Variants in POLR2B observed in about 807,000 individuals in gnomAD.
POLR2B encodes the protein RNA polymerase II subunit B.
POLR2B carries 57 observed loss-of-function variants against 144.6 expected under a neutral mutation model. The observed-to-expected ratio is 0.39, with a 90% confidence interval of 0.32 to 0.49. The LOEUF is 0.49. Ranked by LOEUF, POLR2B falls within the 20% of genes least tolerant of loss-of-function variation. The pLI is 0.83. For synonymous variants in POLR2B, 442 were observed against 469.8 expected (o/e 0.94, Z 0.77); for missense variants, 595 against 1,467.4 (o/e 0.41, Z 9.71).
intron 1 of POLR2B, among the ~76,000 whole-genome samples, chr4:56,984,145 G>T (rs1172249307): frequency 6.6e-6 from 1 of 152,080 alleles, no homozygotes; most frequent in East Asian, 1.9e-4. Flanking sequence ...GATTATAGGT[G>T]TGAGCCAGTG....
intron 1 of POLR2B, among the ~76,000 whole-genome samples, chr4:56,983,568 C>T (rs1718887): frequency 0.89 from 135,610 of 151,980 alleles, 60,528 homozygotes; most frequent in East Asian, 0.97. Flanking sequence ...GACGGGGTTT[C>T]ACCATGCTGG....
rs1177846279 is a variant in POLR2B at position 56,990,569 on chromosome 4, T to C, written c.93-179T>C. Among the ~76,000 whole-genome samples the C allele has an allele frequency of 2.6e-5, 4 of 152,162 alleles. No homozygotes were observed. In the East Asian group the frequency reaches 7.7e-4, roughly 29 times the overall value. ...CAAATAATAAGTTCTACAAAGAAAA[T>C]ATGCCCGGTTTCATCCTTTTTAAGA... On this transcript the variant is annotated intron_variant, in intron 2 of 24. Coordinates refer to ENST00000314595, the MANE Select transcript of POLR2B (RefSeq NM_000938.3).
At chr4:56,988,940 A>G (rs1338612729) in intron 2 of POLR2B, among the ~76,000 whole-genome samples, 1 of 152,234 alleles carries the variant, frequency 6.6e-6, no homozygotes, top group Non-Finnish European at 1.5e-5. Flanking sequence ...GTGAACTGTC[A>G]TAGCATTTAT....
Position 56,991,468 on chromosome 4 carries a change from G to A in POLR2B, c.243+570G>A, listed in dbSNP as rs554175483. Among the ~76,000 whole-genome samples the A allele has an allele frequency of 3.2e-4, 49 of 152,270 alleles. No homozygotes were observed. The South Asian group carries it at 8.7e-3, about 27-fold the overall frequency. ...AAGGATGTAGTCCAAAATAATGACT[G>A]TCCCAGTTTTAGAGAAGTTGAGAGG... On this transcript the variant is annotated intron_variant, in intron 3 of 24. Transcript: ENST00000314595.
At chr4:56,997,353 G>T (rs1722721364) in intron 6 of POLR2B, among the ~76,000 whole-genome samples, 1 of 151,840 alleles carries the variant, frequency 6.6e-6, no homozygotes, top group Non-Finnish European at 1.5e-5. Context: ...CCACCTCCTG[G>T]CCCAAGCGAT....
intron 6 of POLR2B, among the ~76,000 whole-genome samples, chr4:56,996,279 T>TATATATATA (rs1553910018): frequency 2.5e-5 from 1 of 39,444 alleles, no homozygotes; most frequent in East Asian, 5.1e-4. Context: ...TATATATATA[T>TATATATATA]TTTTTTTTTT....
chr4:57,011,061 A>C lies in POLR2B; in HGVS notation c.1761A>C (p.Leu587=). 6.2e-7 allele frequency: 1 copy of C among 1,613,416 alleles called. No homozygotes were observed. Among genetic ancestry groups the C allele is most frequent in the South Asian group, 1.1e-5 (1 of 91,070 alleles). Residue 587 remains leucine, a synonymous_variant, in exon 13 of 25, where the codon CTA becomes CTC. Transcript: ENST00000314595. ...ATCCCGAACAACTTATGAACACCCT[A>C]AGGAAATTGAGACGTCAGATGGACA... is the stretch of plus-strand genomic sequence containing the variant. The part of the protein sequence containing the change: ...HKDPEQLMNT[L]RKLRRQMDII...
intron 1 of POLR2B, among the ~76,000 whole-genome samples, chr4:56,983,858 A>G (rs1380037073): frequency 6.7e-6 from 1 of 149,406 alleles, no homozygotes; most frequent in Non-Finnish European, 1.5e-5. Flanking sequence ...TTTGTCAGGA[A>G]TATTCATATC....
At chr4:57,002,869 A>C (rs895501772) in intron 7 of POLR2B, 3 of 152,104 alleles carry the variant, frequency 2.0e-5, no homozygotes, top group Non-Finnish European at 4.4e-5. Context: ...TGATAAAAAG[A>C]CATAGGAAAT....
At chr4:56,995,509 T>C in intron 6 of POLR2B, 100 bp downstream of exon 6, 1 of 768,220 alleles carries the variant, frequency 1.3e-6, no homozygotes, top group Middle Eastern at 2.6e-4. Flanking sequence ...TTCTGGAGCA[T>C]ATTGTTGTTA....
intron 22 of POLR2B, 76 bp from the exon 23 acceptor site, chr4:57,025,301 A>G: frequency 9.8e-7 from 1 of 1,019,822 alleles, no homozygotes; most frequent in South Asian, 1.4e-5. Context: ...AAATGGAGTA[A>G]CACAATATAT....
chr4:57,015,284 A>G (rs1273721335), intron 13 of POLR2B, among the ~76,000 whole-genome samples: 2 of 152,230 alleles, frequency 1.3e-5, no homozygotes, highest in Admixed American at 6.5e-5. Context: ...AGTATTGTAC[A>G]GGTTTATAAT....
intron 6 of POLR2B, among the ~76,000 whole-genome samples, chr4:56,996,262 G>GTGTATACATATATA (rs1553910008): frequency 1.1e-5 from 1 of 88,890 alleles, no homozygotes; most frequent in African/African-American, 4.8e-5. Flanking sequence ...GTGTGTGTGT[G>GTGTATACATATATA]TATATATATA....
rs1314647974 is a variant in POLR2B at position 57,023,311 on chromosome 4, C to T, written c.2516-19C>T. 12 of 1,612,112 alleles carry T rather than the reference C, an allele frequency of 7.4e-6. No individual in the cohort carries two copies. Among genetic ancestry groups the T allele is most frequent in the South Asian group, 4.4e-5 (4 of 90,890 alleles). On this transcript the variant is annotated intron_variant, in intron 18 of 24. Transcript: ENST00000314595. The surrounding 1 kb of genome is among the most constrained non-coding windows in gnomAD (Gnocchi z 4.3). ...CTTTGTTGGGGATTATGTGACATTCCGTGTCTATTTCCTCACAGGCATGAG... is the reference window on the plus strand; with the variant it reads ...CTTTGTTGGGGATTATGTGACATTCTGTGTCTATTTCCTCACAGGCATGAG...
At chr4:57,018,143 T>C (rs1723427223) in intron 16 of POLR2B, among the ~76,000 whole-genome samples, 2 of 152,164 alleles carry the variant, frequency 1.3e-5, no homozygotes, top group South Asian at 4.1e-4. Flanking sequence ...AAGTGAAAGC[T>C]TGGTCTCAGT....
chr4:57,025,803 G>A (rs1046101582), intron 23 of POLR2B, among the ~76,000 whole-genome samples: 3 of 151,972 alleles, frequency 2.0e-5, no homozygotes, highest in Non-Finnish European at 2.9e-5. Context: ...GCCTTGAACT[G>A]GGCACAAGCA....
Position 57,010,432 on chromosome 4 carries a change from C to T in POLR2B, c.1476C>T (p.Asp492=), listed in dbSNP as rs779695955. The part of the protein sequence containing the change: ...LRRLNSPIGR[D]GKLAKPRQLH... Reference sequence around the variant, plus strand: ...GTTTAAATTCTCCTATTGGTAGAGACGGCAAGCTAGCAAAACCAAGACAGT... The same window carrying T: ...GTTTAAATTCTCCTATTGGTAGAGATGGCAAGCTAGCAAAACCAAGACAGT... The change falls in exon 11 of 25, where the codon GAC becomes GAT. Residue 492 remains aspartate (D), a synonymous_variant. Transcript: ENST00000314595. The T allele has an allele frequency of 1.5e-5, 24 of 1,612,328 alleles. No homozygotes were observed. Among genetic ancestry groups the T allele is most frequent in the East Asian group, 8.9e-5 (4 of 44,746 alleles).
chr4:56,990,636 G>T, intron 2 of POLR2B, 112 bp from the exon 3 acceptor site: 1 of 864,600 alleles, frequency 1.2e-6, no homozygotes, highest in Non-Finnish European at 1.8e-6. Context: ...TATAATGGTT[G>T]GTATTTTATG....
chr4:57,005,776 G>C (rs962064271), intron 9 of POLR2B, 57 bp downstream of exon 9: 26 of 1,530,574 alleles, frequency 1.7e-5, no homozygotes, highest in Non-Finnish European at 2.3e-5. Flanking sequence ...ACTTTAGATT[G>C]ATCATTGCAT....
Sources: gnomAD v4.1 joint callset for allele counts (sites outside exome capture counted in the v4.1 genomes callset) on GRCh38, gnomAD v4.1.1 for gene constraint, Gnocchi (gnomAD v3.1) non-coding constraint, MANE v1.5 for transcripts, NCBI Gene and HGNC (gene_info 2026-07-23, HGNC 2026-07-21) for gene names.